The following ADGRL2 variants were observed in gnomAD, a reference collection of about 807,000 sequenced individuals.
ADGRL2 encodes the protein calcium-independent alpha-latrotoxin receptor 2.
Under a neutral mutation model 157.4 loss-of-function variants are expected in ADGRL2, and 44 were observed. The observed-to-expected ratio is 0.28, with a 90% CI of 0.22 to 0.36. The LOEUF is 0.36. ADGRL2 is among the 10% of genes least tolerant of loss of function. The pLI is 1.00. For missense variants in ADGRL2, 1,510 were observed against 1,768.9 expected (o/e 0.85, Z 2.63); for synonymous variants, 585 against 624.7 (o/e 0.94, Z 0.95).
At chr1:81,767,216 T>G (rs529297080) in intron 2 of ADGRL2, among the ~76,000 whole-genome samples, 1 of 152,204 alleles carries the variant, frequency 6.6e-6, no homozygotes, top group African/African-American at 2.4e-5. Context: ...TATTGTAAGA[T>G]TTATTAGTCT....
intron 2 of ADGRL2, among the ~76,000 whole-genome samples, chr1:81,548,123 T>C (rs1461229457): frequency 6.6e-6 from 1 of 152,138 alleles, no homozygotes; most frequent in Non-Finnish European, 1.5e-5. Flanking sequence ...ACAAGAAATA[T>C]AATTTATGTC....
At chr1:81,569,191 GA>G (rs1243915294) in intron 2 of ADGRL2, among the ~76,000 whole-genome samples, 4 of 152,028 alleles carry the variant, frequency 2.6e-5, no homozygotes, top group African/African-American at 9.7e-5. Context: ...CTAGATGGTA[GA>G]AAGTCTCTTC....
intron 2 of ADGRL2, among the ~76,000 whole-genome samples, chr1:81,783,648 A>G (rs770193905): frequency 2.1e-4 from 32 of 152,298 alleles, no homozygotes; most frequent in Non-Finnish European, 4.6e-4. Context: ...TAATACTAGC[A>G]TATGTACGAT....
intron 17 of ADGRL2, among the ~76,000 whole-genome samples, chr1:81,974,381 A>G (rs1045905442): frequency 5.3e-5 from 8 of 152,202 alleles, no homozygotes; most frequent in African/African-American, 1.4e-4. Flanking sequence ...GGACAGCTCC[A>G]TCTGCATCGT....
At chr1:81,414,746 G>A (rs1369793645) in intron 1 of ADGRL2, among the ~76,000 whole-genome samples, 1 of 152,196 alleles carries the variant, frequency 6.6e-6, no homozygotes, top group Non-Finnish European at 1.5e-5. Flanking sequence ...AGCAGACTCT[G>A]GCTGTATTTT....
chr1:81,792,162 C>T (rs1273031561), intron 2 of ADGRL2, among the ~76,000 whole-genome samples: 1 of 152,120 alleles, frequency 6.6e-6, no homozygotes, highest in Non-Finnish European at 1.5e-5. Context: ...CCTTTATTAT[C>T]CTTACATTTT....
At chr1:81,635,573 A>C (rs997224943) in intron 3 of ADGRL2, among the ~76,000 whole-genome samples, 1 of 152,156 alleles carries the variant, frequency 6.6e-6, no homozygotes, top group Non-Finnish European at 1.5e-5. Flanking sequence ...GTGAAGAGCT[A>C]TTTCCTGGTT....
intron 3 of ADGRL2, among the ~76,000 whole-genome samples, chr1:81,627,999 A>G (rs17456647): frequency 0.13 from 19,170 of 152,152 alleles, 1,660 homozygotes; most frequent in Non-Finnish European, 0.18. Context: ...TCTAACAATC[A>G]TATTCATTAC....
intron 3 of ADGRL2, among the ~76,000 whole-genome samples, chr1:81,666,009 G>C (rs896746199): frequency 6.6e-6 from 1 of 152,094 alleles, no homozygotes; most frequent in Non-Finnish European, 1.5e-5. Flanking sequence ...GCTGGACTAA[G>C]GCAAAGTTGT....
Position 81,985,302 on chromosome 1 carries a change from C to G in ADGRL2, c.3455C>G (p.Ser1152Ter). 6.2e-7 allele frequency: 1 copy of G among 1,606,562 alleles called. No individual in the cohort carries two copies. The highest frequency in any genetic ancestry group is 8.5e-7 in the Non-Finnish European group (1 of 1,174,722). Residue 1152 changes from serine to a stop codon, truncating the protein, a stop_gained, in exon 21 of 24, where the codon TCA becomes TGA. Transcript: ENST00000686636. LOFTEE classifies it high-confidence loss of function. ...RMWNDTVRKQ[S>*]ESSFISGDIN... The stretch of plus-strand genomic sequence containing the variant: ...TGGAATGATACTGTGAGAAAACAAT[C>G]AGAATCTTCTTTTATCTCAGGTGAC...
rs146384426 is a variant in ADGRL2, at chr1:81,834,987, G to A, written c.-100-1898G>A. On this transcript the variant is annotated intron_variant, in intron 1 of 23. Transcript: ENST00000686636. ...GTTTCCTCCTCCTTTTTCCCTTCAC[G>A]AACAGAGGTTTTCCTATCTTGGCAG... 5.9e-5 allele frequency among the ~76,000 whole-genome samples: 9 copies of A among 152,058 alleles called. No homozygotes were observed. The East Asian group carries it at 1.7e-3, about 29-fold the overall frequency.
At chr1:81,573,029 T>C (rs2080726725) in intron 2 of ADGRL2, among the ~76,000 whole-genome samples, 1 of 151,876 alleles carries the variant, frequency 6.6e-6, no homozygotes, top group South Asian at 2.1e-4. Flanking sequence ...CATTATAATC[T>C]AGGAGGGCTA....
At chr1:81,812,554 A>G (rs1055782824) in intron 1 of ADGRL2, among the ~76,000 whole-genome samples, 12 of 151,744 alleles carry the variant, frequency 7.9e-5, no homozygotes, top group African/African-American at 2.9e-4. Flanking sequence ...ATGATTGTCT[A>G]AAGCTCAGGG....
intron 1 of ADGRL2, among the ~76,000 whole-genome samples, chr1:81,712,806 A>G (rs2083978079): frequency 8.0e-6 from 1 of 124,630 alleles, no homozygotes; most frequent in Non-Finnish European, 1.6e-5. Flanking sequence ...TCTGCTGCCC[A>G]GGCTGGAGTG....
chr1:81,515,859 A>T (rs1455615983), intron 2 of ADGRL2, among the ~76,000 whole-genome samples: 1 of 152,108 alleles, frequency 6.6e-6, no homozygotes, highest in Non-Finnish European at 1.5e-5. Flanking sequence ...TATGTTTTTA[A>T]ATCTTCTTTT....
intron 2 of ADGRL2, among the ~76,000 whole-genome samples, chr1:81,892,446 A>G (rs2094290855): frequency 6.6e-6 from 1 of 152,128 alleles, no homozygotes; most frequent in Non-Finnish European, 1.5e-5. Flanking sequence ...TCATAAGCAG[A>G]GAATTATATT....
intron 2 of ADGRL2, among the ~76,000 whole-genome samples, chr1:81,574,538 T>G (rs1460197160): frequency 1.3e-5 from 2 of 152,168 alleles, no homozygotes; most frequent in African/African-American, 2.4e-5. Flanking sequence ...GTCACTTTAT[T>G]TGGCACCAAA....
At chr1:81,740,621 T>G (rs2085043450) in intron 1 of ADGRL2, among the ~76,000 whole-genome samples, 1 of 152,110 alleles carries the variant, frequency 6.6e-6, no homozygotes. Context: ...CGGGTACATG[T>G]CTCAAAGGTT....
intron 1 of ADGRL2, among the ~76,000 whole-genome samples, chr1:81,829,152 T>G (rs2091749072): frequency 6.6e-6 from 1 of 152,126 alleles, no homozygotes; most frequent in South Asian, 2.1e-4. Context: ...CCTCAGGCAA[T>G]CCACCTGCCT....
Sources: gnomAD v4.1 joint callset for allele counts (sites outside exome capture counted in the v4.1 genomes callset) on GRCh38, gnomAD v4.1.1 for gene constraint, MANE v1.5 for transcripts, NCBI Gene and HGNC (gene_info 2026-07-23, HGNC 2026-07-21) for gene names.